KCTD11: variants seen among roughly 807,000 people sequenced by gnomAD.
The protein encoded by KCTD11 is BTB/POZ domain-containing protein KCTD11.
KCTD11 carries 8 observed loss-of-function variants against 10.7 expected under a neutral mutation model. The ratio of observed to expected loss-of-function variants is 0.74; its 90% CI spans 0.44 to 1.34. The LOEUF (loss-of-function observed/expected upper bound fraction) is 1.34, where lower values mean the gene tolerates loss of function less well. Ranked by LOEUF, KCTD11 falls within the 40% of genes most tolerant of loss-of-function variation. The pLI, the probability that KCTD11 is intolerant of heterozygous loss-of-function variation, is 0.01. For synonymous variants in KCTD11, 153 were observed against 160.8 expected, an observed-to-expected ratio of 0.95 and a Z score of 0.37; for missense variants, 346 against 356.1, an observed-to-expected ratio of 0.97 and a Z score of 0.23.
chr17:7,353,694 C>T lies in KCTD11; in HGVS notation c.*53C>T, dbSNP rs1161038524. On this transcript the variant is annotated 3_prime_UTR_variant, in exon 1 of 1. Coordinates refer to ENST00000333751, the MANE Select transcript of KCTD11 (RefSeq NM_001363642.1). This position sits in a 1 kb window ranked among gnomAD's most constrained non-coding sequence, Gnocchi z 4.9. ...GAGGAGAGAGAATGGGGTACTAGCA[C>T]CCCTGAAGCCTCTTTCCAGCTCTGC... 5 of 1,461,556 alleles carry T rather than the reference C, an allele frequency of 3.4e-6. No homozygotes were observed. In the Admixed American group the frequency reaches 9.3e-5, roughly 27 times the overall value. The allele number at this position is 1,461,556 out of a possible 1,614,324, so 90.5% of individuals were successfully genotyped here. A position where few individuals can be genotyped will look rare whatever the true frequency, so the allele number is the denominator to read the frequency against.
At position 7,353,001 on chromosome 17, in the gene KCTD11, G is replaced by A; in HGVS notation, c.176G>A (p.Gly59Glu). 1 of 1,610,728 alleles carries A rather than the reference G, an allele frequency of 6.2e-7. No homozygotes were observed. Among genetic ancestry groups the A allele is most frequent in the Non-Finnish European group, 8.5e-7 (1 of 1,177,718 alleles). Residue 59 changes from glycine to glutamate, a missense_variant, in exon 1 of 1, where the codon GGA becomes GAA. By Grantham distance (98) the Gly-to-Glu change is moderately conservative. Coordinates refer to ENST00000333751, the MANE Select transcript of KCTD11 (RefSeq NM_001363642.1). The surrounding 1 kb of genome is among the most constrained non-coding windows in gnomAD (Gnocchi z 4.9). ...ATGCCCCCCAACCTCAATTCCCAAG[G>A]AGGCGGCCACTACTTCATCGACCGG...
chr17:7,352,730 T>C lies in KCTD11; in HGVS notation c.-96T>C. 1 of 547,288 alleles carries C rather than the reference T, an allele frequency of 1.8e-6. No homozygotes were observed. The highest frequency in any genetic ancestry group is 2.7e-5 in the South Asian group (1 of 36,518). 33.9% of individuals were successfully genotyped at this position (547,288 alleles called of 1,614,324 possible). On this transcript the variant is annotated 5_prime_UTR_variant, in exon 1 of 1. Transcript: ENST00000333751. The surrounding 1 kb of genome is among the most constrained non-coding windows in gnomAD (Gnocchi z 4.5). Reference sequence around the variant, plus strand: ...TTACTGGGTGTGCTCCACCTGTGCCTCCAACCCAGCGAATCTGACAGCTTC... The same window carrying C: ...TTACTGGGTGTGCTCCACCTGTGCCCCCAACCCAGCGAATCTGACAGCTTC...
chr17:7,353,304 C>A lies in KCTD11; in HGVS notation c.479C>A (p.Thr160Asn). ...GAGCTGAGCTCCGTCCAGGTGGACA[C>A]CTTCCGAGCCAACCTTTTCTGCACC... Residue 160 changes from threonine to asparagine, a missense_variant, in exon 1 of 1, where the codon ACC becomes AAC. Coordinates refer to ENST00000333751, the MANE Select transcript of KCTD11 (RefSeq NM_001363642.1). This position sits in a 1 kb window ranked among gnomAD's most constrained non-coding sequence, Gnocchi z 4.9. 6.2e-7 allele frequency: 1 copy of A among 1,614,132 alleles called. No homozygotes were observed. The highest frequency in any genetic ancestry group is 1.3e-5 in the African/African-American group (1 of 75,072).
Position 7,352,427 on chromosome 17 carries a change from G to A in KCTD11, c.-399G>A, listed in dbSNP as rs565950995. On this transcript the variant is annotated 5_prime_UTR_variant, in exon 1 of 1. Coordinates refer to ENST00000333751, the MANE Select transcript of KCTD11 (RefSeq NM_001363642.1). The surrounding 1 kb of genome is among the most constrained non-coding windows in gnomAD (Gnocchi z 4.5). ...AGCCCTGGCTGGACTCGTCCACGGC[G>A]GCAGCGATCTGCCCGGGGTCTCGGA... 3.6e-5 allele frequency: 6 copies of A among 167,338 alleles called. 1 individual carries two copies. In the South Asian group the frequency reaches 1.2e-3, roughly 33 times the overall value. 10.4% of individuals were successfully genotyped at this position (167,338 alleles called of 1,614,324 possible).
chr17:7,353,933 AG>A lies in KCTD11; in HGVS notation c.*295del. 2.8e-6 allele frequency: 1 copy of A among 358,136 alleles called. No homozygotes were observed. Among genetic ancestry groups the A allele is most frequent in the Non-Finnish European group, 5.3e-6 (1 of 188,270 alleles). The allele number at this position is 358,136 out of a possible 1,614,324, so 22.2% of individuals were successfully genotyped here. On this transcript the variant is annotated 3_prime_UTR_variant, in exon 1 of 1. Coordinates refer to ENST00000333751, the MANE Select transcript of KCTD11 (RefSeq NM_001363642.1). This position sits in a 1 kb window ranked among gnomAD's most constrained non-coding sequence, Gnocchi z 4.9. ...TCCTTGATTTGGAGCTCAGTGTTTA[AG>A]GGCTTGGAAAAGGGGGGAACATCTC... is the stretch of plus-strand genomic sequence containing the variant.
chr17:7,353,503 G>A lies in KCTD11; in HGVS notation c.678G>A (p.Arg226=). 6.3e-7 allele frequency: 1 copy of A among 1,594,786 alleles called. No individual in the cohort carries two copies. The highest frequency in any genetic ancestry group is 8.6e-7 in the Non-Finnish European group (1 of 1,168,194). Residue 226 remains arginine, a synonymous_variant, in exon 1 of 1, where the codon CGG becomes CGA. Coordinates refer to ENST00000333751, the MANE Select transcript of KCTD11 (RefSeq NM_001363642.1). This position sits in a 1 kb window ranked among gnomAD's most constrained non-coding sequence, Gnocchi z 4.9. ...TGTGGACTGGGGGGCCAGGAGAGCG[G>A]CGGGAGGTGGTGGGCACCCCAAGCT...
In KCTD11 at chr17:7,352,672, C is replaced by G. The variant is rs891912421; in HGVS notation, c.-154C>G. On this transcript the variant is annotated 5_prime_UTR_variant, in exon 1 of 1. Coordinates refer to ENST00000333751, the MANE Select transcript of KCTD11 (RefSeq NM_001363642.1). The surrounding 1 kb of genome is among the most constrained non-coding windows in gnomAD (Gnocchi z 4.5). ...TGTGTCCTGACACCACCTCCCCATCCACCACCAAAGTAGCCGGGGTGAGCC... is the reference window on the plus strand; with the variant it reads ...TGTGTCCTGACACCACCTCCCCATCGACCACCAAAGTAGCCGGGGTGAGCC... 1.6e-5 allele frequency: 8 copies of G among 502,590 alleles called. No homozygotes were observed. The highest frequency in any genetic ancestry group is 1.5e-4 in the African/African-American group (8 of 52,422). 31.1% of individuals were successfully genotyped at this position (502,590 alleles called of 1,614,324 possible). A position where few individuals can be genotyped will look rare whatever the true frequency, so the allele number is the denominator to read the frequency against.
chr17:7,353,232 G>C lies in KCTD11; in HGVS notation c.407G>C (p.Ser136Thr). The C allele has an allele frequency of 6.2e-7, 1 of 1,613,582 alleles. No individual in the cohort carries two copies. The highest frequency in any genetic ancestry group is 1.1e-5 in the South Asian group (1 of 91,090). The stretch of plus-strand genomic sequence containing the variant: ...CTGCTCCACGCAGATGTAGATGTCA[G>C]CCCCCGCCTGGTGCACTTCTCTGCT... The change falls in exon 1 of 1, where the codon AGC becomes ACC. Residue 136 changes from serine (S) to threonine (T), a missense_variant. Ser to Thr is a moderately conservative substitution (Grantham distance 58). Coordinates refer to ENST00000333751, the MANE Select transcript of KCTD11 (RefSeq NM_001363642.1). This position sits in a 1 kb window ranked among gnomAD's most constrained non-coding sequence, Gnocchi z 4.9.
At position 7,353,392 on chromosome 17, in the gene KCTD11, G is replaced by A. The variant is rs150013880; in HGVS notation, c.567G>A (p.Glu189=). The A allele has an allele frequency of 1.2e-3, 1,876 of 1,613,728 alleles. 23 individuals are homozygous for A. The African/African-American group carries it at 0.021, about 18-fold the overall frequency. Residue 189 remains glutamate (E), a synonymous_variant, in exon 1 of 1, where the codon GAG becomes GAA. Coordinates refer to ENST00000333751, the MANE Select transcript of KCTD11 (RefSeq NM_001363642.1). The surrounding 1 kb of genome is among the most constrained non-coding windows in gnomAD (Gnocchi z 4.9). ...GTGTGGCCAGTGGGGATAGGGCAGA[G>A]GGGAGCCCACATTTTCATCTGGAGT...
Position 7,353,707 on chromosome 17 carries a change from T to A in KCTD11, c.*66T>A. 7.1e-7 allele frequency: 1 copy of A among 1,410,432 alleles called. No homozygotes were observed. The highest frequency in any genetic ancestry group is 9.6e-7 in the Non-Finnish European group (1 of 1,046,390). 87.4% of individuals were successfully genotyped at this position (1,410,432 alleles called of 1,614,324 possible). On this transcript the variant is annotated 3_prime_UTR_variant, in exon 1 of 1. Coordinates refer to ENST00000333751, the MANE Select transcript of KCTD11 (RefSeq NM_001363642.1). The surrounding 1 kb of genome is among the most constrained non-coding windows in gnomAD (Gnocchi z 4.9). ...GGGGTACTAGCACCCCTGAAGCCTC[T>A]TTCCAGCTCTGCTTCAGGAGCTATG...
chr17:7,353,786 C>G lies in KCTD11; in HGVS notation c.*145C>G. ...GAGCTCAGATGTGGGCAGGAATTCCCAAACCTGAGCCCACCAAGGACTCAC... is the reference window on the plus strand; with the variant it reads ...GAGCTCAGATGTGGGCAGGAATTCCGAAACCTGAGCCCACCAAGGACTCAC... On this transcript the variant is annotated 3_prime_UTR_variant, in exon 1 of 1. Transcript: ENST00000333751. The surrounding 1 kb of genome is among the most constrained non-coding windows in gnomAD (Gnocchi z 4.9). 3 of 788,686 alleles carry G rather than the reference C, an allele frequency of 3.8e-6. No homozygotes were observed. The highest frequency in any genetic ancestry group is 5.8e-6 in the Non-Finnish European group (3 of 516,886). 48.9% of individuals were successfully genotyped at this position (788,686 alleles called of 1,614,324 possible).
chr17:7,353,027 G>A lies in KCTD11; in HGVS notation c.202G>A (p.Asp68Asn). ...AGGCGGCCACTACTTCATCGACCGG[G>A]ATGGCAAGGCCTTCCGGCACATCCT... The change falls in exon 1 of 1, where the codon GAT (aspartate) becomes AAT (asparagine). Residue 68 changes from aspartate to asparagine, a missense_variant. By Grantham distance (23) the Asp-to-Asn change is conservative (BLOSUM62 1). Coordinates refer to ENST00000333751, the MANE Select transcript of KCTD11 (RefSeq NM_001363642.1). The surrounding 1 kb of genome is among the most constrained non-coding windows in gnomAD (Gnocchi z 4.9). The A allele has an allele frequency of 1.2e-6, 2 of 1,613,438 alleles. No homozygotes were observed. Among genetic ancestry groups the A allele is most frequent in the South Asian group, 2.2e-5 (2 of 91,086 alleles).
Position 7,353,304 on chromosome 17 carries a change from C to G in KCTD11, c.479C>G (p.Thr160Ser). Residue 160 changes from threonine (T) to serine (S), a missense_variant, in exon 1 of 1, where the codon ACC (threonine) becomes AGC (serine). Coordinates refer to ENST00000333751, the MANE Select transcript of KCTD11 (RefSeq NM_001363642.1). The surrounding 1 kb of genome is among the most constrained non-coding windows in gnomAD (Gnocchi z 4.9). ...GAGCTGAGCTCCGTCCAGGTGGACA[C>G]CTTCCGAGCCAACCTTTTCTGCACC... is the stretch of plus-strand genomic sequence containing the variant. 1.9e-6 allele frequency: 3 copies of G among 1,614,132 alleles called. No individual in the cohort carries two copies. The highest frequency in any genetic ancestry group is 2.5e-6 in the Non-Finnish European group (3 of 1,180,052).
In KCTD11 at chr17:7,354,792, G is replaced by C. The variant is rs559356898; in HGVS notation, c.*1151G>C. The C allele has an allele frequency of 1.0e-5, 2 of 199,958 alleles. No individual in the cohort carries two copies. Among genetic ancestry groups the C allele is most frequent in the South Asian group, 1.8e-4 (2 of 10,986 alleles). 12.4% of individuals were successfully genotyped at this position (199,958 alleles called of 1,614,324 possible). On this transcript the variant is annotated 3_prime_UTR_variant, in exon 1 of 1. Coordinates refer to ENST00000333751, the MANE Select transcript of KCTD11 (RefSeq NM_001363642.1). Reference sequence around the variant, plus strand: ...AGGAGACGAAGAGTTTGGGACAGTGGGGGAGGAGATGGGAAGGGATGGGAT... The same window carrying C: ...AGGAGACGAAGAGTTTGGGACAGTGCGGGAGGAGATGGGAAGGGATGGGAT...
rs2073462064 is a variant in KCTD11, at chr17:7,354,913, A to G, written c.*1272A>G. 2.4e-6 allele frequency: 1 copy of G among 421,586 alleles called. No individual in the cohort carries two copies. The highest frequency in any genetic ancestry group is 4.5e-5 in the Admixed American group (1 of 22,258). The allele number at this position is 421,586 out of a possible 1,614,324, so 26.1% of individuals were successfully genotyped here. On this transcript the variant is annotated 3_prime_UTR_variant, in exon 1 of 1. Coordinates refer to ENST00000333751, the MANE Select transcript of KCTD11 (RefSeq NM_001363642.1). Reference sequence around the variant, plus strand: ...TTTCTCACTGGTCATGATTTACAAGAAGAAAAATAAAACTGCTTTTGGAAC... The same window carrying G: ...TTTCTCACTGGTCATGATTTACAAGGAGAAAAATAAAACTGCTTTTGGAAC...
Position 7,352,202 on chromosome 17 carries a change from A to G in KCTD11, c.-624A>G, listed in dbSNP as rs2073419044. 1 of 152,312 alleles carries G rather than the reference A, an allele frequency of 6.6e-6. No individual in the cohort carries two copies. The highest frequency in any genetic ancestry group is 2.1e-4 in the South Asian group (1 of 4,836). 9.4% of individuals were successfully genotyped at this position (152,312 alleles called of 1,614,324 possible). ...AGAGGACCTCAGCGGCTGCGGCGAC[A>G]CCCAGGGAAGGCGGCGCGGCCGGGT... On this transcript the variant is annotated 5_prime_UTR_variant, in exon 1 of 1. Transcript: ENST00000333751. The surrounding 1 kb of genome is among the most constrained non-coding windows in gnomAD (Gnocchi z 4.5).
In KCTD11 at chr17:7,354,222, C is replaced by T. The variant is rs751730820; in HGVS notation, c.*581C>T. ...GTTGATGTATGGGAGCTAGGACAGT[C>T]CCCATGGCAATGGGGCTGGAGCATC... On this transcript the variant is annotated 3_prime_UTR_variant, in exon 1 of 1. Coordinates refer to ENST00000333751, the MANE Select transcript of KCTD11 (RefSeq NM_001363642.1). 1 of 167,260 alleles carries T rather than the reference C, an allele frequency of 6.0e-6. No homozygotes were observed. The highest frequency in any genetic ancestry group is 1.5e-5 in the Non-Finnish European group (1 of 68,284). 10.4% of individuals were successfully genotyped at this position (167,260 alleles called of 1,614,324 possible).
chr17:7,354,235 G>A lies in KCTD11; in HGVS notation c.*594G>A, dbSNP rs1182792796. ...AGCTAGGACAGTCCCCATGGCAATGGGGCTGGAGCATCCCTCATCTGGAAG... is the reference window on the plus strand; with the variant it reads ...AGCTAGGACAGTCCCCATGGCAATGAGGCTGGAGCATCCCTCATCTGGAAG... On this transcript the variant is annotated 3_prime_UTR_variant, in exon 1 of 1. Coordinates refer to ENST00000333751, the MANE Select transcript of KCTD11 (RefSeq NM_001363642.1). 6.0e-6 allele frequency: 1 copy of A among 167,218 alleles called. No individual in the cohort carries two copies. Among genetic ancestry groups the A allele is most frequent in the Non-Finnish European group, 1.5e-5 (1 of 68,254 alleles). 10.4% of individuals were successfully genotyped at this position (167,218 alleles called of 1,614,324 possible). A position where few individuals can be genotyped will look rare whatever the true frequency, so the allele number is the denominator to read the frequency against.
rs776143113 is a variant in KCTD11 at position 7,353,868 on chromosome 17, C to T, written c.*227C>T. The T allele has an allele frequency of 6.5e-6, 3 of 464,778 alleles. No homozygotes were observed. The highest frequency in any genetic ancestry group is 2.0e-5 in the African/African-American group (1 of 51,278). The allele number at this position is 464,778 out of a possible 1,614,324, so 28.8% of individuals were successfully genotyped here. A position where few individuals can be genotyped will look rare whatever the true frequency, so the allele number is the denominator to read the frequency against. Reference sequence around the variant, plus strand: ...CCCTGGGAGGGGTAGGGAAGGTTCTCTCAGCTTGTTCTTGCCTAAGGCTGA... The same window carrying T: ...CCCTGGGAGGGGTAGGGAAGGTTCTTTCAGCTTGTTCTTGCCTAAGGCTGA... On this transcript the variant is annotated 3_prime_UTR_variant, in exon 1 of 1. Transcript: ENST00000333751. The surrounding 1 kb of genome is among the most constrained non-coding windows in gnomAD (Gnocchi z 4.9).
Sources: gnomAD v4.1 joint callset for allele counts on GRCh38, gnomAD v4.1.1 for gene constraint, Gnocchi (gnomAD v3.1) non-coding constraint, MANE v1.5 for transcripts, NCBI Gene and HGNC (gene_info 2026-07-23, HGNC 2026-07-21) for gene names.